Variants in MGST1 observed in about 807,000 individuals in gnomAD.
MGST1 encodes the protein microsomal glutathione S-transferase 1, also known as glutathione S-transferase 12.
Under a neutral mutation model 8.9 loss-of-function variants are expected in MGST1, and 5 were observed. The ratio of observed to expected loss-of-function variants is 0.56; its 90% CI spans 0.29 to 1.19. MGST1 has a LOEUF of 1.19. Among genes scored for constraint, MGST1 ranks in the 50% most tolerant of loss-of-function variants. The pLI, the probability that MGST1 is intolerant of heterozygous loss-of-function variation, is 0.08. For missense variants in MGST1, 182 were observed against 187.4 expected, an observed-to-expected ratio of 0.97 and a Z score of 0.17; for synonymous variants, 54 against 67.8, an observed-to-expected ratio of 0.80 and a Z score of 1.00.
rs1940651247 is a variant in MGST1, at chr12:16,401,059, G to C, written n.778+17455G>C. ...TCTTTCTGTAAGTAATGCTGCCCGAGAACCTCTTCCCAAAAGGTCCTCTGC... is the reference window on the plus strand; with the variant it reads ...TCTTTCTGTAAGTAATGCTGCCCGACAACCTCTTCCCAAAAGGTCCTCTGC... On this transcript the variant is annotated intron_variant and non_coding_transcript_variant, in intron 1 of 1. Transcript: ENST00000359720. This position sits in a 1 kb window ranked among gnomAD's most constrained non-coding sequence, Gnocchi z 4.3. The C allele has an allele frequency of 6.3e-7, 1 of 1,592,870 alleles. No individual in the cohort carries two copies. The highest frequency in any genetic ancestry group is 1.3e-5 in the African/African-American group (1 of 74,454).
At chr12:16,545,774 A>G (rs1164378928) in intron 4 of MGST1, among the ~76,000 whole-genome samples, 1 of 152,110 alleles carries the variant, frequency 6.6e-6, no homozygotes, top group East Asian at 1.9e-4. Flanking sequence ...TTGCATCTAG[A>G]AAAATATAAT....
intron 4 of MGST1, among the ~76,000 whole-genome samples, chr12:16,558,520 G>A (rs1942273930): frequency 6.6e-6 from 1 of 152,078 alleles, no homozygotes; most frequent in Non-Finnish European, 1.5e-5. Flanking sequence ...CTGTATGGAT[G>A]TGGGAATGTT....
At chr12:16,392,401 T>C (rs1389694932) in intron 1 of MGST1, among the ~76,000 whole-genome samples, 1 of 152,228 alleles carries the variant, frequency 6.6e-6, no homozygotes, top group Non-Finnish European at 1.5e-5. Flanking sequence ...TTCTCAGTAA[T>C]ATCATGCAAA....
chr12:16,391,985 A>G (rs902900933), intron 1 of MGST1, among the ~76,000 whole-genome samples: 1 of 152,248 alleles, frequency 6.6e-6, no homozygotes, highest in South Asian at 2.1e-4. Context: ...TCTTAGCCCC[A>G]TTTACCAAAT....
At chr12:16,360,773 T>G (rs1939953310) in intron 3 of MGST1, among the ~76,000 whole-genome samples, 1 of 152,306 alleles carries the variant, frequency 6.6e-6, no homozygotes, top group East Asian at 1.9e-4. Context: ...GAGTGTTCCA[T>G]GGAGTCTAAG....
intron 1 of MGST1, among the ~76,000 whole-genome samples, chr12:16,421,999 T>C (rs184573369): frequency 3.9e-5 from 6 of 152,166 alleles, no homozygotes; most frequent in Non-Finnish European, 2.9e-5. Flanking sequence ...TTGGCAGCAG[T>C]GTCGCTGGTT....
At chr12:16,563,078 A>G (rs533416610) in intron 4 of MGST1, among the ~76,000 whole-genome samples, 24 of 152,132 alleles carry the variant, frequency 1.6e-4, no homozygotes, top group African/African-American at 5.3e-4. Flanking sequence ...TGGAGGCTCC[A>G]TCAGTTTCCA....
At chr12:16,588,520 A>G (rs1182523283) in intron 4 of MGST1, among the ~76,000 whole-genome samples, 3 of 152,244 alleles carry the variant, frequency 2.0e-5, no homozygotes, top group African/African-American at 7.2e-5. Context: ...GAGAGCATGG[A>G]TATATAAGGT....
chr12:16,486,949 C>G (rs554607249), intron 4 of MGST1, among the ~76,000 whole-genome samples: 1 of 152,100 alleles, frequency 6.6e-6, no homozygotes, highest in Non-Finnish European at 1.5e-5. Context: ...TTCCAGGCCG[C>G]GACTGTTTAA....
At chr12:16,356,225 G>T (rs1187570258) in intron 2 of MGST1, among the ~76,000 whole-genome samples, 1 of 152,130 alleles carries the variant, frequency 6.6e-6, no homozygotes, top group South Asian at 2.1e-4. Flanking sequence ...CTTATCCAAG[G>T]TTACATACAA....
At chr12:16,494,464 C>T (rs766569561) in intron 4 of MGST1, among the ~76,000 whole-genome samples, 1 of 152,094 alleles carries the variant, frequency 6.6e-6, no homozygotes, top group African/African-American at 2.4e-5. Flanking sequence ...CCAGTAATTA[C>T]TTATTAATTG....
At chr12:16,552,007 T>C (rs889387639) in intron 4 of MGST1, among the ~76,000 whole-genome samples, 1 of 152,140 alleles carries the variant, frequency 6.6e-6, no homozygotes, top group African/African-American at 2.4e-5. Context: ...GTAACCTAAA[T>C]GAACTACTTA....
intron 1 of MGST1, among the ~76,000 whole-genome samples, chr12:16,386,098 C>T (rs1281717859): frequency 1.3e-5 from 2 of 152,120 alleles, no homozygotes; most frequent in East Asian, 1.9e-4. Flanking sequence ...TGTTTGCCTT[C>T]GGAGGCAGTG....
At chr12:16,402,538 C>T (rs1269908393) in intron 1 of MGST1, 4 of 834,010 alleles carry the variant, frequency 4.8e-6, no homozygotes, top group South Asian at 3.4e-5. Flanking sequence ...TAATAAGCTA[C>T]TAACACTTCT....
intron 1 of MGST1, among the ~76,000 whole-genome samples, chr12:16,432,731 C>CACACACACACAGAG (rs775306657): frequency 7.5e-6 from 1 of 132,672 alleles, no homozygotes; most frequent in African/African-American, 2.8e-5. Flanking sequence ...CACACACACA[C>CACACACACACAGAG]AGAGAGAGAG....
intron 4 of MGST1, chr12:16,567,632 A>G (rs1426964155): frequency 2.6e-5 from 4 of 152,192 alleles, no homozygotes; most frequent in Non-Finnish European, 5.9e-5. Context: ...TTTAAAGGCT[A>G]TTTTTTAAAT....
intron 4 of MGST1, among the ~76,000 whole-genome samples, chr12:16,443,930 A>G (rs140646440): frequency 5.3e-5 from 8 of 152,094 alleles, no homozygotes; most frequent in Non-Finnish European, 1.0e-4. Flanking sequence ...CTTTTAAGAT[A>G]GGAGGATCCA....
chr12:16,356,127 G>A (rs1939704674), intron 2 of MGST1, among the ~76,000 whole-genome samples: 1 of 152,040 alleles, frequency 6.6e-6, no homozygotes, highest in African/African-American at 2.4e-5. Flanking sequence ...CCTCCCAAAG[G>A]CCTCATATCC....
rs115195954 is a variant in MGST1, at chr12:16,389,494, A to C, written n.778+5890A>C. On this transcript the variant is annotated intron_variant and non_coding_transcript_variant, in intron 1 of 1. Coordinates refer to the MGST1 transcript ENST00000359720. This position sits in a 1 kb window ranked among gnomAD's most constrained non-coding sequence, Gnocchi z 4.6. ...CGGCACGGAACATTGCTTACTCTTG[A>C]AATTCCAAACTCTTGAAATTTCAAT... 7.2e-3 allele frequency among the ~76,000 whole-genome samples: 1,090 copies of C among 152,294 alleles called. 16 individuals are homozygous for C. Among genetic ancestry groups the C allele is most frequent in the African/African-American group, 0.025 (1,024 of 41,564 alleles).
Sources: allele counts gnomAD v4.1 joint callset (sites outside exome capture counted in the v4.1 genomes callset), GRCh38; gene constraint gnomAD v4.1.1; non-coding constraint Gnocchi (gnomAD v3.1); transcripts MANE v1.5; gene names NCBI Gene and HGNC (gene_info 2026-07-23, HGNC 2026-07-21).